FERMT1: variants seen among roughly 807,000 people sequenced by gnomAD.
FERMT1 encodes the protein FERM domain containing kindlin 1, also known as fermitin family homolog 1.
A neutral mutation model predicts 85.3 loss-of-function variants in FERMT1; 60 were observed. The observed-to-expected ratio is 0.70, with a 90% CI of 0.57 to 0.87. The LOEUF (loss-of-function observed/expected upper bound fraction) is 0.87, where lower values mean the gene tolerates loss of function less well. Ranked by LOEUF, FERMT1 falls within the 40% of genes least tolerant of loss-of-function variation. The pLI, the probability that FERMT1 is intolerant of heterozygous loss-of-function variation, is 0.00. For missense variants in FERMT1, 701 were observed against 818.9 expected (o/e 0.86, Z 1.76); for synonymous variants, 275 against 301.1 (o/e 0.91, Z 0.90).
intron 11 of FERMT1, among the ~76,000 whole-genome samples, chr20:6,085,680 T>C (rs1347614515): frequency 1.3e-5 from 2 of 152,122 alleles, no homozygotes. Flanking sequence ...TGAAACCCTG[T>C]GTCTACTAAA....
At chr20:6,103,573 G>A (rs1279643465) in intron 6 of FERMT1, among the ~76,000 whole-genome samples, 1 of 152,072 alleles carries the variant, frequency 6.6e-6, no homozygotes, top group Admixed American at 6.6e-5. Context: ...TGCCAAGATA[G>A]TATGTAACTT....
intron 7 of FERMT1, 97 bp from the exon 8 acceptor site, chr20:6,097,130 T>A: frequency 8.5e-7 from 1 of 1,178,784 alleles, no homozygotes; most frequent in Non-Finnish European, 1.3e-6. Flanking sequence ...GACTATTCCC[T>A]TGGAATACTG....
intron 4 of FERMT1, among the ~76,000 whole-genome samples, chr20:6,111,913 A>C (rs547600771): frequency 5.3e-5 from 8 of 150,766 alleles, no homozygotes; most frequent in Non-Finnish European, 1.0e-4. Flanking sequence ...ACCCAGCCTG[A>C]GTGCAGTGGC....
intron 14 of FERMT1, 117 bp from the exon 15 acceptor site, chr20:6,077,463 T>A: frequency 1.1e-6 from 1 of 932,196 alleles, no homozygotes; most frequent in South Asian, 1.4e-5. Context: ...CAGATGGATA[T>A]CCCTCTAAAA....
chr20:6,084,781 C>T (rs766612603), intron 12 of FERMT1, among the ~76,000 whole-genome samples: 3 of 151,892 alleles, frequency 2.0e-5, no homozygotes, highest in African/African-American at 7.3e-5. Context: ...GCAGCCTCCA[C>T]CTCCTGGGCT....
chr20:6,080,508 G>T (rs1981963580), intron 13 of FERMT1, among the ~76,000 whole-genome samples: 1 of 152,172 alleles, frequency 6.6e-6, no homozygotes, highest in Admixed American at 6.5e-5. Flanking sequence ...GATCCCTCTG[G>T]CTGCTAAGTT....
chr20:6,087,160 G>A (rs572396270), intron 11 of FERMT1, among the ~76,000 whole-genome samples: 1 of 152,194 alleles, frequency 6.6e-6, no homozygotes, highest in East Asian at 1.9e-4. Flanking sequence ...TCCCTAGGCA[G>A]CCTGGGACCC....
chr20:6,082,210 G>A (rs1226985291), intron 13 of FERMT1, among the ~76,000 whole-genome samples: 1 of 152,224 alleles, frequency 6.6e-6, no homozygotes, highest in Non-Finnish European at 1.5e-5. Flanking sequence ...TGGTAAAGGA[G>A]GAGTTGTCAC....
In FERMT1 at chr20:6,103,094, A is replaced by G. The variant is rs6117079; in HGVS notation, c.849+4438T>C. 7.2e-5 allele frequency among the ~76,000 whole-genome samples: 11 copies of G among 152,324 alleles called. No homozygotes were observed. In the East Asian group the frequency reaches 1.9e-3, roughly 27 times the overall value. Reference sequence around the variant, plus strand: ...ACACATTTAAAAAGGGGCAAAAGGTATGTGATAAATGAATTCATTATGAAT... The same window carrying G: ...ACACATTTAAAAAGGGGCAAAAGGTGTGTGATAAATGAATTCATTATGAAT... On this transcript the variant is annotated intron_variant, in intron 6 of 14. Coordinates refer to ENST00000217289, the MANE Select transcript of FERMT1 (RefSeq NM_017671.5).
intron 7 of FERMT1, 36 bp from the exon 8 acceptor site, chr20:6,097,069 A>G: frequency 2.5e-6 from 4 of 1,600,678 alleles, no homozygotes; most frequent in Non-Finnish European, 3.4e-6. Flanking sequence ...AATGTTATAA[A>G]CAGAAATGTT....
intron 9 of FERMT1, among the ~76,000 whole-genome samples, chr20:6,093,136 C>T (rs1017312963): frequency 1.3e-5 from 2 of 151,918 alleles, no homozygotes; most frequent in Non-Finnish European, 2.9e-5. Context: ...TAGTTCAATG[C>T]TCTTAGTACT....
At chr20:6,095,927 C>T (rs192990723) in intron 8 of FERMT1, among the ~76,000 whole-genome samples, 6 of 152,320 alleles carry the variant, frequency 3.9e-5, no homozygotes, top group Admixed American at 1.3e-4. Flanking sequence ...GTGGACCCAC[C>T]TCTCTGATTC....
chr20:6,088,017 G>A (rs1001618446), intron 10 of FERMT1, 134 bp from the exon 11 acceptor site: 3 of 692,798 alleles, frequency 4.3e-6, no homozygotes, highest in East Asian at 5.4e-5. Context: ...GGAGGAGCAA[G>A]CTGATAACAT....
chr20:6,112,970 C>T (rs1270054714), intron 3 of FERMT1, among the ~76,000 whole-genome samples: 1 of 152,172 alleles, frequency 6.6e-6, no homozygotes, highest in Admixed American at 6.5e-5. Context: ...TTCTTGTTAC[C>T]TATTTACCAC....
In FERMT1 at chr20:6,119,578, G is replaced by C. The variant is rs764140116; in HGVS notation, c.-18-6C>G. On this transcript the variant is annotated splice_polypyrimidine_tract_variant and splice_region_variant and intron_variant, in intron 1 of 14. Coordinates refer to ENST00000217289, the MANE Select transcript of FERMT1 (RefSeq NM_017671.5). ...ATTGTGGCAAATGCTGGTGTCTGCT[G>C]AACAAAAAGGCAGACATAGATTGGA... The C allele has an allele frequency of 6.2e-7, 1 of 1,610,070 alleles. No individual in the cohort carries two copies. The highest frequency in any genetic ancestry group is 8.5e-7 in the Non-Finnish European group (1 of 1,177,464).
At chr20:6,106,790 A>G (rs566778219) in intron 6 of FERMT1, among the ~76,000 whole-genome samples, 68 of 152,312 alleles carry the variant, frequency 4.5e-4, no homozygotes, top group African/African-American at 1.6e-3. Context: ...CCAAAGAGTA[A>G]GCAAGCACTG....
At position 6,075,239 on chromosome 20, in the gene FERMT1, G is replaced by A. The variant is rs1981783137; in HGVS notation, c.*1934C>T. The A allele has an allele frequency of 6.6e-6, 1 of 152,198 alleles. No individual in the cohort carries two copies. The allele number at this position is 152,198 out of a possible 1,614,324, so 9.4% of individuals were successfully genotyped here. A position where few individuals can be genotyped will look rare whatever the true frequency, so the allele number is the denominator to read the frequency against. On this transcript the variant is annotated 3_prime_UTR_variant, in exon 15 of 15. Coordinates refer to ENST00000217289, the MANE Select transcript of FERMT1 (RefSeq NM_017671.5). The stretch of plus-strand genomic sequence containing the variant: ...ATGTTGAACTGAAGGTCTGGCTTTG[G>A]TAAATTAGGCAGAGATGTTCTCAGC...
intron 3 of FERMT1, among the ~76,000 whole-genome samples, chr20:6,114,324 A>G (rs910176411): frequency 6.6e-6 from 1 of 152,238 alleles, no homozygotes; most frequent in Non-Finnish European, 1.5e-5. Context: ...GGGAAAAACC[A>G]CTAAACTGCT....
intron 1 of FERMT1, among the ~76,000 whole-genome samples, chr20:6,121,435 A>G (rs1016149335): frequency 1.3e-5 from 2 of 152,186 alleles, no homozygotes; most frequent in Non-Finnish European, 2.9e-5. Flanking sequence ...TTATGTTTCT[A>G]TAGTCAGAAG....
Sources: gnomAD v4.1 joint callset for allele counts (sites outside exome capture counted in the v4.1 genomes callset) on GRCh38, gnomAD v4.1.1 for gene constraint, MANE v1.5 for transcripts, NCBI Gene and HGNC (gene_info 2026-07-23, HGNC 2026-07-21) for gene names.